NOTCH3: variants seen among roughly 807,000 people sequenced by gnomAD.
NOTCH3 encodes the protein neurogenic locus notch homolog protein 3.
A neutral mutation model predicts 213.3 loss-of-function variants in NOTCH3; 86 were observed. That is an observed-to-expected ratio of 0.40 (90% CI 0.34 to 0.48). The LOEUF is 0.48. NOTCH3 is among the 20% of genes least tolerant of loss of function. The pLI is 0.57. For synonymous variants in NOTCH3, 1,354 were observed against 1,355.9 expected, an observed-to-expected ratio of 1.00 and a Z score of 0.03; for missense variants, 2,783 against 3,272.6, an observed-to-expected ratio of 0.85 and a Z score of 3.65.
chr19:15,167,056 A>G (rs2046691926), intron 29 of NOTCH3, among the ~76,000 whole-genome samples, 193 bp downstream of exon 29: 1 of 152,216 alleles, frequency 6.6e-6, no homozygotes, highest in Non-Finnish European at 1.5e-5. Context: ...ATGAGTTGAT[A>G]AATCCCTTGT....
chr19:15,191,816 C>A lies in NOTCH3; in HGVS notation c.731G>T (p.Arg244Leu), dbSNP rs768437995. 6.2e-7 allele frequency: 1 copy of A among 1,613,966 alleles called. No homozygotes were observed. The highest frequency in any genetic ancestry group is 1.3e-5 in the African/African-American group (1 of 75,072). Residue 244 changes from arginine (R) to leucine (L), a missense_variant, in exon 5 of 33, where the codon CGA becomes CTA. Around this residue, in one of 6 missense-constraint regions of NOTCH3, gnomAD observed 708 missense variants for 906.6 expected, o/e 0.78. Coordinates refer to ENST00000263388, the MANE Select transcript of NOTCH3 (RefSeq NM_000435.3). ...CACGCATGTCCCCCCATTGAGACAT[C>A]GGTGTCCTGGACAGTCGTCCACGTT... Reference protein sequence around the residue: ...EVNVDDCPGHRCLNGGTCVDG... With the variant: ...EVNVDDCPGHLCLNGGTCVDG...
At chr19:15,190,513 C>T (rs1228511092) in intron 6 of NOTCH3, among the ~76,000 whole-genome samples, 1 of 152,148 alleles carries the variant, frequency 6.6e-6, no homozygotes, top group Non-Finnish European at 1.5e-5. Context: ...TGCATCAGTG[C>T]AATGTCAGCC....
chr19:15,162,183 C>T (rs1229686860), intron 32 of NOTCH3: 2 of 458,988 alleles, frequency 4.4e-6, no homozygotes, highest in Non-Finnish European at 8.0e-6. Context: ...GGTTTTACTA[C>T]GTTGGCCAGG....
intron 27 of NOTCH3, 62 bp downstream of exon 27, chr19:15,170,269 G>C: frequency 6.5e-7 from 1 of 1,546,646 alleles, no homozygotes; most frequent in Admixed American, 1.7e-5. Flanking sequence ...GTCAGGTCAA[G>C]GCGGGGTCCA....
rs1202763005 is a variant in NOTCH3 at position 15,187,893 on chromosome 19, G to A, written c.1594C>T (p.Arg532Cys). ...CVDQPDGYECRCAEGFEGTLC... is the reference protein window; with the variant it reads ...CVDQPDGYECCCAEGFEGTLC... ...TGGCCCGCCTCACCCTCGGCACAGC[G>A]GCACTCGTAGCCATCGGGCTGGTCC... Residue 532 changes from arginine (R) to cysteine (C), a missense_variant, in exon 10 of 33, where the codon CGC becomes TGC. By Grantham distance (180) the Arg-to-Cys change is radical. Around this residue, in one of 6 missense-constraint regions of NOTCH3, gnomAD observed 708 missense variants for 906.6 expected, o/e 0.78. Transcript: ENST00000263388. 4.5e-6 allele frequency: 7 copies of A among 1,549,054 alleles called. No homozygotes were observed. The highest frequency in any genetic ancestry group is 2.0e-5 in the Admixed American group (1 of 50,972).
intron 23 of NOTCH3, 142 bp downstream of exon 23, chr19:15,178,681 G>A (rs554203569): frequency 1.3e-5 from 9 of 710,982 alleles, no homozygotes; most frequent in South Asian, 4.7e-5. Context: ...TACCACACCC[G>A]GCGGAAATGT....
chr19:15,166,032 T>C lies in NOTCH3; in HGVS notation c.5422A>G (p.Thr1808Ala). 1.2e-6 allele frequency: 2 copies of C among 1,614,168 alleles called. No individual in the cohort carries two copies. Among genetic ancestry groups the C allele is most frequent in the East Asian group, 2.2e-5 (1 of 44,878 alleles). The change falls in exon 30 of 33, where the codon ACT (threonine) becomes GCT (alanine). Residue 1808 changes from threonine to alanine, a missense_variant. Thr to Ala is a moderately conservative substitution (Grantham distance 58). Transcript: ENST00000263388. Reference sequence around the variant, plus strand: ...GTGTCATCTGCCTCATCCTCTTCAGTTGGCATTGGCTCCAGAGCCCCCCCA... The same window carrying C: ...GTGTCATCTGCCTCATCCTCTTCAGCTGGCATTGGCTCCAGAGCCCCCCCA... ...FCGGALEPMP[T>A]EEDEADDTSA...
chr19:15,173,927 T>G, intron 25 of NOTCH3, 141 bp downstream of exon 25: 1 of 695,194 alleles, frequency 1.4e-6, no homozygotes, highest in South Asian at 2.1e-5. Flanking sequence ...TGGAGGCATT[T>G]TTTGCTTGTC....
In NOTCH3 at chr19:15,185,560, G is replaced by T. The variant is rs770280795; in HGVS notation, c.2071C>A (p.Leu691Ile). The change falls in exon 13 of 33, where the codon CTC becomes ATC. Residue 691 changes from leucine to isoleucine, a missense_variant. This residue lies in a region of NOTCH3 where 861 missense variants were observed against 909.1 expected (regional missense o/e 0.95). Transcript: ENST00000263388. This position sits in a 1 kb window ranked among gnomAD's most constrained non-coding sequence, Gnocchi z 4.2. The part of the protein sequence containing the change: ...CLCPPGSLPP[L>I]CLPPSHPCAH... ...CAGGGATGGCTCGGGGGGAGGCAGA[G>T]TGGGGGCAAGGAGCCAGGCGGGCAG... The T allele has an allele frequency of 1.3e-5, 21 of 1,612,538 alleles. No individual in the cohort carries two copies. Among genetic ancestry groups the T allele is most frequent in the Non-Finnish European group, 1.7e-5 (20 of 1,179,650 alleles).
intron 31 of NOTCH3, among the ~76,000 whole-genome samples, chr19:15,163,892 T>A (rs374836924): frequency 6.6e-6 from 1 of 152,104 alleles, no homozygotes; most frequent in Non-Finnish European, 1.5e-5. Context: ...AGCTGAACTA[T>A]GCTACAACAT....
In NOTCH3 at chr19:15,185,322, C is replaced by T. The variant is rs2046872173; in HGVS notation, c.2231G>A (p.Arg744Lys). ...ATCGCTGCTGCATGTCCCACCGGCC[C>T]TGCACGGCTGGGACTCACAGGCGTC... ...ARDACESQPC[R>K]AGGTCSSDGM... Residue 744 changes from arginine to lysine, a missense_variant, in exon 14 of 33, where the codon AGG becomes AAG. Arg to Lys is a conservative substitution (Grantham distance 26). Around this residue, in one of 6 missense-constraint regions of NOTCH3, gnomAD observed 861 missense variants for 909.1 expected, o/e 0.95. Coordinates refer to ENST00000263388, the MANE Select transcript of NOTCH3 (RefSeq NM_000435.3). The surrounding 1 kb of genome is among the most constrained non-coding windows in gnomAD (Gnocchi z 4.2). The T allele has an allele frequency of 1.2e-6, 2 of 1,613,054 alleles. No individual in the cohort carries two copies. The highest frequency in any genetic ancestry group is 2.2e-5 in the East Asian group (1 of 44,872).
At position 15,184,230 on chromosome 19, in the gene NOTCH3, A is replaced by C. The variant is rs1253477348; in HGVS notation, c.2566+65T>G. 9 of 1,476,466 alleles carry C rather than the reference A, an allele frequency of 6.1e-6. No individual in the cohort carries two copies. In the East Asian group the frequency reaches 2.0e-4, roughly 33 times the overall value. The allele number at this position is 1,476,466 out of a possible 1,614,324, so 91.5% of individuals were successfully genotyped here. A position where few individuals can be genotyped will look rare whatever the true frequency, so the allele number is the denominator to read the frequency against. On this transcript the variant is annotated intron_variant, in intron 16 of 32. Coordinates refer to ENST00000263388, the MANE Select transcript of NOTCH3 (RefSeq NM_000435.3). Reference sequence around the variant, plus strand: ...ATGAAATGACAGCACAGTGCCAGGCACACAGTTCAAGCTTAATGACTGTGT... The same window carrying C: ...ATGAAATGACAGCACAGTGCCAGGCCCACAGTTCAAGCTTAATGACTGTGT...
chr19:15,177,871 C>T lies in NOTCH3; in HGVS notation c.4057G>A (p.Ala1353Thr). 6 of 1,229,686 alleles carry T rather than the reference C, an allele frequency of 4.9e-6. No homozygotes were observed. Among genetic ancestry groups the T allele is most frequent in the Non-Finnish European group, 6.1e-6 (6 of 987,574 alleles). The allele number at this position is 1,229,686 out of a possible 1,614,324, so 76.2% of individuals were successfully genotyped here. A position where few individuals can be genotyped will look rare whatever the true frequency, so the allele number is the denominator to read the frequency against. Residue 1353 changes from alanine to threonine, a missense_variant, in exon 24 of 33, where the codon GCG (alanine) becomes ACG (threonine). This residue lies in a region of NOTCH3 where 133 missense variants were observed against 201.9 expected (regional missense o/e 0.66). Transcript: ENST00000263388. ...PCLHGGSCRP[A>T]PLAPFFRCAC... ...CAGCGGAAGAAGGGCGCGAGCGGCG[C>T]GGGGCGGCAGGAGCCCCCGTGGAGA...
chr19:15,166,173 G>C, intron 29 of NOTCH3, 82 bp from the exon 30 acceptor site: 14 of 1,218,170 alleles, frequency 1.1e-5, no homozygotes, highest in Non-Finnish European at 1.6e-5. Flanking sequence ...CCCATTAGGA[G>C]CTAATGGGAC....
chr19:15,197,441 G>GGGCCGCCCCCCCCC, intron 2 of NOTCH3, 59 bp downstream of exon 2: 1 of 768,362 alleles, frequency 1.3e-6, no homozygotes, highest in African/African-American at 1.7e-5. Context: ...AAGACAAATC[G>GGGCCGCCCCCCCCC]CCCCTCCCCC....
rs141288882 is a variant in NOTCH3, at chr19:15,178,739, A to G, written c.3837+84T>C. ...TCCCTTCGATGTCTCCCCTAAAGCCACATCCTCCTCCTAGACGCCACGCCC... is the reference window on the plus strand; with the variant it reads ...TCCCTTCGATGTCTCCCCTAAAGCCGCATCCTCCTCCTAGACGCCACGCCC... On this transcript the variant is annotated intron_variant, in intron 23 of 32. Transcript: ENST00000263388. 436 of 987,508 alleles carry G rather than the reference A, an allele frequency of 4.4e-4. 1 individual carries two copies. In the East Asian group the frequency reaches 0.011, roughly 24 times the overall value. 61.2% of individuals were successfully genotyped at this position (987,508 alleles called of 1,614,324 possible). A position where few individuals can be genotyped will look rare whatever the true frequency, so the allele number is the denominator to read the frequency against.
At chr19:15,172,583 CT>C (rs1436183489) in intron 25 of NOTCH3, among the ~76,000 whole-genome samples, 1 of 152,050 alleles carries the variant, frequency 6.6e-6, no homozygotes, top group Non-Finnish European at 1.5e-5. Context: ...TCTCAGGTCT[CT>C]GCCTTCTCCT....
chr19:15,181,979 C>G (rs2046845742), intron 16 of NOTCH3, among the ~76,000 whole-genome samples, 178 bp from the exon 17 acceptor site: 1 of 152,238 alleles, frequency 6.6e-6, no homozygotes, highest in African/African-American at 2.4e-5. Context: ...CCTCCTTTAT[C>G]TGGAAACCTC....
chr19:15,173,473 G>T (rs777972105), intron 25 of NOTCH3, among the ~76,000 whole-genome samples: 1 of 141,086 alleles, frequency 7.1e-6, no homozygotes, highest in Admixed American at 7.3e-5. Flanking sequence ...TTGCTATGTT[G>T]CCCAGGCTAG....
Sources: allele counts gnomAD v4.1 joint callset (sites outside exome capture counted in the v4.1 genomes callset), GRCh38; gene constraint gnomAD v4.1.1; regional missense constraint gnomAD v4.1.1; non-coding constraint Gnocchi (gnomAD v3.1); transcripts MANE v1.5; gene names NCBI Gene and HGNC (gene_info 2026-07-23, HGNC 2026-07-21).